TMEM74: variants seen among roughly 807,000 people sequenced by gnomAD.
TMEM74 encodes transmembrane protein 74.
A neutral mutation model predicts 18.1 loss-of-function variants in TMEM74; 13 were observed. That is an observed-to-expected ratio of 0.72 (90% CI 0.47 to 1.14). TMEM74 has a LOEUF of 1.14. TMEM74 is among the 50% of genes most tolerant of loss of function. TMEM74 has a pLI of 0.00. For synonymous variants in TMEM74, 159 were observed against 146.6 expected (o/e 1.08, Z -0.61); for missense variants, 372 against 375.9 (o/e 0.99, Z 0.09).
chr8:108,733,519 G>C (rs760444570), intron 1 of TMEM74, among the ~76,000 whole-genome samples: 4 of 152,046 alleles, frequency 2.6e-5, no homozygotes, highest in Non-Finnish European at 5.9e-5. Context: ...GGGGTAGGAG[G>C]GAAATTTTTA....
At chr8:108,710,784 G>T (rs1267362766) in intron 1 of TMEM74, among the ~76,000 whole-genome samples, 1 of 152,144 alleles carries the variant, frequency 6.6e-6, no homozygotes, top group Non-Finnish European at 1.5e-5. Flanking sequence ...CTGTCCATCT[G>T]CAAAGACACA....
At chr8:108,651,759 T>C (rs1563740838) in intron 2 of TMEM74, among the ~76,000 whole-genome samples, 1 of 152,018 alleles carries the variant, frequency 6.6e-6, no homozygotes, top group Non-Finnish European at 1.5e-5. Context: ...ACAGCAGTAA[T>C]GAGAAGTAAA....
intron 1 of TMEM74, among the ~76,000 whole-genome samples, chr8:108,698,356 G>A (rs2130612972): frequency 6.6e-6 from 1 of 152,270 alleles, no homozygotes; most frequent in East Asian, 1.9e-4. Flanking sequence ...CATAAGGCTT[G>A]GGTTCAAGCC....
intron 1 of TMEM74, among the ~76,000 whole-genome samples, chr8:108,746,735 A>G (rs899669153): frequency 3.3e-5 from 5 of 151,956 alleles, no homozygotes; most frequent in African/African-American, 1.2e-4. Context: ...GGGAGTGGAG[A>G]GGGTCTGGAG....
chr8:108,625,021 A>C (rs1470493358), intron 2 of TMEM74, among the ~76,000 whole-genome samples: 1 of 152,110 alleles, frequency 6.6e-6, no homozygotes, highest in Non-Finnish European at 1.5e-5. Context: ...GATTTTCTGC[A>C]GAGTTTTCCC....
chr8:108,606,935 C>T (rs1812279780), exon 4 of TMEM74: 1 of 151,990 alleles, frequency 6.6e-6, no homozygotes, highest in Non-Finnish European at 1.5e-5. Context: ...GTCTTTTATC[C>T]CTATGGTGTC....
chr8:108,620,961 T>C (rs1340776948), intron 2 of TMEM74, among the ~76,000 whole-genome samples: 2 of 152,186 alleles, frequency 1.3e-5, no homozygotes, highest in Non-Finnish European at 2.9e-5. Context: ...TGAAGCCTTT[T>C]CTCATGCCAC....
intron 1 of TMEM74, among the ~76,000 whole-genome samples, chr8:108,759,356 A>G (rs978131645): frequency 3.3e-5 from 5 of 152,116 alleles, no homozygotes; most frequent in African/African-American, 4.8e-5. Flanking sequence ...CAAAACGTAA[A>G]ATGCATATAC....
chr8:108,706,682 G>A (rs1487487998), intron 1 of TMEM74, among the ~76,000 whole-genome samples: 1 of 151,426 alleles, frequency 6.6e-6, no homozygotes, highest in East Asian at 1.9e-4. Flanking sequence ...CTTTAAACAG[G>A]ATTATCCATA....
intron 1 of TMEM74, among the ~76,000 whole-genome samples, chr8:108,757,128 G>A (rs1680807234): frequency 6.6e-6 from 1 of 152,068 alleles, no homozygotes; most frequent in Non-Finnish European, 1.5e-5. Context: ...AATATATCCT[G>A]TTCTTACAGT....
intron 2 of TMEM74, chr8:108,626,518 C>G (rs976668407): frequency 2.0e-5 from 3 of 152,024 alleles, no homozygotes; most frequent in Admixed American, 6.6e-5. Flanking sequence ...ATTGGTGCCT[C>G]ATCAAATGTG....
At chr8:108,656,501 T>C (rs777903280) in intron 1 of TMEM74, among the ~76,000 whole-genome samples, 2 of 152,202 alleles carry the variant, frequency 1.3e-5, no homozygotes, top group Non-Finnish European at 2.9e-5. Context: ...TACTCTTCAC[T>C]ATATGTAACC....
chr8:108,760,637 C>T (rs934669070), intron 1 of TMEM74, among the ~76,000 whole-genome samples: 2 of 151,928 alleles, frequency 1.3e-5, no homozygotes, highest in Non-Finnish European at 2.9e-5. Flanking sequence ...TATCCCCTTG[C>T]CCTTTTTCAA....
At chr8:108,636,476 C>T (rs931521190) in intron 2 of TMEM74, among the ~76,000 whole-genome samples, 6 of 152,062 alleles carry the variant, frequency 3.9e-5, no homozygotes. Flanking sequence ...GTATTTGAAG[C>T]AGCTGCCATA....
intron 1 of TMEM74, among the ~76,000 whole-genome samples, chr8:108,737,038 G>A (rs1037743484): frequency 2.0e-5 from 3 of 152,058 alleles, no homozygotes; most frequent in African/African-American, 7.2e-5. Flanking sequence ...AGGAACACCA[G>A]CAATTTATTA....
chr8:108,773,878 G>A (rs1265078264), intron 1 of TMEM74, among the ~76,000 whole-genome samples: 1 of 152,118 alleles, frequency 6.6e-6, no homozygotes, highest in African/African-American at 2.4e-5. Flanking sequence ...AGAGAACCCT[G>A]AGCCAAAACC....
chr8:108,608,611 G>A (rs1447035955), intron 3 of TMEM74: 1 of 152,190 alleles, frequency 6.6e-6, no homozygotes, highest in Non-Finnish European at 1.5e-5. Flanking sequence ...CTTGGAATTT[G>A]AGGTCAAAAT....
chr8:108,650,991 G>A (rs772470628), intron 2 of TMEM74, among the ~76,000 whole-genome samples: 4 of 152,116 alleles, frequency 2.6e-5, no homozygotes, highest in East Asian at 3.9e-4. Context: ...GATTACAGGC[G>A]TGAGCCACCA....
At chr8:108,644,490 A>T (rs772814225) in intron 2 of TMEM74, among the ~76,000 whole-genome samples, 6 of 152,160 alleles carry the variant, frequency 3.9e-5, no homozygotes, top group Non-Finnish European at 5.9e-5. Context: ...CGAAACCAAA[A>T]ATTGACACAT....
Sources: allele counts gnomAD v4.1 joint callset (sites outside exome capture counted in the v4.1 genomes callset), GRCh38; gene constraint gnomAD v4.1.1; transcripts MANE v1.5; gene names NCBI Gene and HGNC (gene_info 2026-07-23, HGNC 2026-07-21).